The following SGCD variants were observed in gnomAD, a reference collection of about 807,000 sequenced individuals.
The protein encoded by SGCD is delta-sarcoglycan.
In SGCD, 18 loss-of-function variants were observed where a neutral mutation model predicts 36.6. The ratio of observed to expected loss-of-function variants is 0.49; its 90% CI spans 0.34 to 0.73. SGCD has a LOEUF of 0.73. Ranked by LOEUF, SGCD falls within the 30% of genes least tolerant of loss-of-function variation. The probability of loss-of-function intolerance (pLI) is 0.01; values close to 1 mark genes in which losing one functional copy is unlikely to be tolerated. For missense variants in SGCD, 387 were observed against 346.7 expected (o/e 1.12, Z -0.92); for synonymous variants, 133 against 130.6 (o/e 1.02, Z -0.12).
chr5:156,235,461 T>C (rs575614462), intron 3 of SGCD, among the ~76,000 whole-genome samples: 2 of 152,320 alleles, frequency 1.3e-5, no homozygotes, highest in East Asian at 3.9e-4. Context: ...AGGAAGGAAA[T>C]GGCACCAGAG....
chr5:155,982,728 G>A (rs1758253057), intron 1 of SGCD, among the ~76,000 whole-genome samples: 1 of 152,190 alleles, frequency 6.6e-6, no homozygotes, highest in South Asian at 2.1e-4. Flanking sequence ...GCTTCCCTCT[G>A]AGCCCTCAGC....
In SGCD at chr5:156,329,598, C is replaced by G. The variant is rs182715924; in HGVS notation, c.3+19C>G. ...GGAGATGGTGAGTAATTCCCGGGAG[C>G]GAAGCTTGTTCAAGGCCCTGCTCAT... On this transcript the variant is annotated intron_variant, in intron 2 of 8. Coordinates refer to ENST00000337851, the MANE Select transcript of SGCD (RefSeq NM_000337.6). The G allele has an allele frequency of 3.5e-5, 57 of 1,610,508 alleles. No individual in the cohort carries two copies. The highest frequency in any genetic ancestry group is 4.6e-5 in the Non-Finnish European group (54 of 1,177,762).
At position 156,674,320 on chromosome 5, in the gene SGCD, A is replaced by C. The variant is rs149942987; in HGVS notation, c.575+26784A>C. 2.0e-3 allele frequency among the ~76,000 whole-genome samples: 301 copies of C among 152,350 alleles called. 1 individual carries two copies. Among genetic ancestry groups the C allele is most frequent in the African/African-American group, 6.8e-3 (284 of 41,584 alleles). On this transcript the variant is annotated intron_variant, in intron 7 of 8. Coordinates refer to ENST00000337851, the MANE Select transcript of SGCD (RefSeq NM_000337.6). Reference sequence around the variant, plus strand: ...CCGTTACATATAATCCCATAGCGTGAGCCATGCAGCAACTAAGTTAAGAAC... The same window carrying C: ...CCGTTACATATAATCCCATAGCGTGCGCCATGCAGCAACTAAGTTAAGAAC...
At chr5:156,453,149 G>A (rs564008432) in intron 3 of SGCD, among the ~76,000 whole-genome samples, 32 of 152,244 alleles carry the variant, frequency 2.1e-4, no homozygotes, top group African/African-American at 7.7e-4. Flanking sequence ...ATGAAGGAAG[G>A]CTGAAGAAAC....
intron 4 of SGCD, among the ~76,000 whole-genome samples, chr5:156,561,001 A>C (rs1759244512): frequency 1.3e-5 from 2 of 152,224 alleles, no homozygotes; most frequent in African/African-American, 4.8e-5. Flanking sequence ...GTAATTATTT[A>C]TTAGGCATTG....
At chr5:156,070,195 C>T (rs1344851800) in intron 1 of SGCD, among the ~76,000 whole-genome samples, 1 of 150,938 alleles carries the variant, frequency 6.6e-6, no homozygotes, top group Non-Finnish European at 1.5e-5. Flanking sequence ...GAGAGGGCAT[C>T]CCTGTCTTGT....
At chr5:156,631,562 G>A (rs922671607) in intron 6 of SGCD, among the ~76,000 whole-genome samples, 3 of 131,688 alleles carry the variant, frequency 2.3e-5, no homozygotes, top group Non-Finnish European at 4.9e-5. Context: ...TTTTTTTTCT[G>A]TTTGTAGGGA....
the SGCD span, among the ~76,000 whole-genome samples, chr5:155,864,902 T>C: frequency 6.6e-6 from 1 of 152,160 alleles, no homozygotes; most frequent in Non-Finnish European, 1.5e-5. Context: ...AAACTAATAT[T>C]TATTGAACAC....
chr5:156,530,077 C>G (rs1335722667), intron 4 of SGCD, among the ~76,000 whole-genome samples: 1 of 152,226 alleles, frequency 6.6e-6, no homozygotes, highest in Non-Finnish European at 1.5e-5. Flanking sequence ...GCCATGTTTT[C>G]TTCCTTGCTT....
At chr5:156,284,756 C>G (rs376740120) in intron 3 of SGCD, among the ~76,000 whole-genome samples, 1 of 152,106 alleles carries the variant, frequency 6.6e-6, no homozygotes, top group African/African-American at 2.4e-5. Flanking sequence ...CCTTTGAAAA[C>G]TGGCACAAGA....
chr5:156,459,449 G>C (rs903818542), intron 3 of SGCD, among the ~76,000 whole-genome samples: 3 of 152,092 alleles, frequency 2.0e-5, no homozygotes, highest in Admixed American at 1.3e-4. Context: ...GAGAGTCAAC[G>C]GTTTGGCAAC....
At chr5:155,849,442 G>GCA in the SGCD span, among the ~76,000 whole-genome samples, 3 of 142,084 alleles carry the variant, frequency 2.1e-5, no homozygotes, top group East Asian at 2.1e-4. Flanking sequence ...ACACATGTGC[G>GCA]CGCGCACACA....
intron 3 of SGCD, among the ~76,000 whole-genome samples, chr5:156,365,258 T>G (rs922078662): frequency 6.6e-6 from 1 of 152,190 alleles, no homozygotes; most frequent in Admixed American, 6.5e-5. Context: ...CTAAAATGTC[T>G]GAAGATAAAA....
chr5:156,131,562 G>A (rs757440204), intron 3 of SGCD, among the ~76,000 whole-genome samples: 3 of 152,168 alleles, frequency 2.0e-5, no homozygotes, highest in Non-Finnish European at 2.9e-5. Flanking sequence ...GGCAGCTCAG[G>A]GTCCCTATGT....
At chr5:156,367,592 A>G (rs1770171398) in intron 3 of SGCD, among the ~76,000 whole-genome samples, 1 of 152,348 alleles carries the variant, frequency 6.6e-6, no homozygotes, top group Admixed American at 6.5e-5. Context: ...CATACGGAAC[A>G]ACATTTAGCT....
intron 1 of SGCD, among the ~76,000 whole-genome samples, chr5:156,075,864 A>C (rs1302909480): frequency 6.6e-6 from 1 of 152,188 alleles, no homozygotes; most frequent in African/African-American, 2.4e-5. Context: ...CTTGCAGCTC[A>C]TCTCCAGATT....
intron 7 of SGCD, among the ~76,000 whole-genome samples, chr5:156,738,289 G>T (rs1295087847): frequency 1.3e-5 from 2 of 152,132 alleles, no homozygotes; most frequent in South Asian, 2.1e-4. Flanking sequence ...GAGGGTATGG[G>T]GAGGACCATA....
chr5:156,567,843 A>G (rs1386711423), intron 4 of SGCD, among the ~76,000 whole-genome samples: 1 of 152,202 alleles, frequency 6.6e-6, no homozygotes, highest in Non-Finnish European at 1.5e-5. Flanking sequence ...TCAGTCCGTG[A>G]TGGATGCGGG....
intron 6 of SGCD, among the ~76,000 whole-genome samples, chr5:156,628,083 G>A (rs1489538856): frequency 6.6e-6 from 1 of 152,202 alleles, no homozygotes; most frequent in East Asian, 1.9e-4. Context: ...GTGGAAGGCA[G>A]AGGGGGAGCA....
Sources: gnomAD v4.1 joint callset for allele counts (sites outside exome capture counted in the v4.1 genomes callset) on GRCh38, gnomAD v4.1.1 for gene constraint, MANE v1.5 for transcripts, NCBI Gene and HGNC (gene_info 2026-07-23, HGNC 2026-07-21) for gene names.